Variants in MACROD2 observed in about 807,000 individuals in gnomAD.
The protein encoded by MACROD2 is ADP-ribose glycohydrolase MACROD2.
In MACROD2, 36 loss-of-function variants were observed where a neutral mutation model predicts 70.4. The ratio of observed to expected loss-of-function variants is 0.51; its 90% CI spans 0.39 to 0.68. MACROD2 has a LOEUF of 0.68. MACROD2 is among the 30% of genes least tolerant of loss of function. The probability of loss-of-function intolerance (pLI) is 0.00; values close to 1 mark genes in which losing one functional copy is unlikely to be tolerated. For synonymous variants in MACROD2, 172 were observed against 178.8 expected, an observed-to-expected ratio of 0.96 and a Z score of 0.30; for missense variants, 496 against 538.4, an observed-to-expected ratio of 0.92 and a Z score of 0.78.
chr20:14,282,449 A>G (rs1483191312), intron 3 of MACROD2, among the ~76,000 whole-genome samples: 1 of 152,058 alleles, frequency 6.6e-6, no homozygotes, highest in Non-Finnish European at 1.5e-5. Context: ...CTTGGTTATG[A>G]CCTCTCCATG....
intron 15 of MACROD2, among the ~76,000 whole-genome samples, chr20:16,011,205 C>G (rs933614089): frequency 6.6e-6 from 1 of 152,146 alleles, no homozygotes; most frequent in Admixed American, 6.6e-5. Flanking sequence ...AATTGTGAGA[C>G]CAAATGTTGA....
intron 6 of MACROD2, among the ~76,000 whole-genome samples, chr20:15,333,423 T>G (rs2078014672): frequency 6.6e-6 from 1 of 151,656 alleles, no homozygotes; most frequent in Admixed American, 6.6e-5. Flanking sequence ...GGTAGGTAGT[T>G]TAGATTTTTG....
chr20:16,019,828 C>T (rs1053740156), intron 15 of MACROD2, among the ~76,000 whole-genome samples: 17 of 152,080 alleles, frequency 1.1e-4, no homozygotes, highest in Admixed American at 3.3e-4. Flanking sequence ...GCCCAAGGCC[C>T]GGCAGAGGAG....
intron 10 of MACROD2, among the ~76,000 whole-genome samples, chr20:15,920,770 A>T (rs2065391965): frequency 6.6e-6 from 1 of 152,230 alleles, no homozygotes; most frequent in Non-Finnish European, 1.5e-5. Context: ...GGAGAATTGC[A>T]GAGACTAGAA....
chr20:15,250,675 G>GA (rs1352228877), intron 6 of MACROD2, among the ~76,000 whole-genome samples: 1 of 152,122 alleles, frequency 6.6e-6, no homozygotes, highest in African/African-American at 2.4e-5. Flanking sequence ...TGTTTAGGGG[G>GA]ATCTTCCTTC....
chr20:15,933,244 G>A (rs780701649), intron 10 of MACROD2, 32 bp from the exon 11 acceptor site: 3 of 1,604,806 alleles, frequency 1.9e-6, no homozygotes, highest in Non-Finnish European at 2.6e-6. Flanking sequence ...TTGACTTGAT[G>A]CATTTTTTTT....
chr20:14,996,475 C>T (rs1265884516), intron 5 of MACROD2, among the ~76,000 whole-genome samples: 1 of 152,210 alleles, frequency 6.6e-6, no homozygotes, highest in Non-Finnish European at 1.5e-5. Flanking sequence ...CATCTTCCTC[C>T]TCTACCCTTG....
intron 5 of MACROD2, among the ~76,000 whole-genome samples, chr20:15,169,654 C>T (rs558663307): frequency 1.3e-5 from 2 of 152,226 alleles, no homozygotes; most frequent in Non-Finnish European, 2.9e-5. Flanking sequence ...TACTTAATGA[C>T]CACTGATGTA....
intron 5 of MACROD2, among the ~76,000 whole-genome samples, chr20:14,962,856 T>A (rs757286510): frequency 9.2e-5 from 14 of 151,998 alleles, no homozygotes; most frequent in Non-Finnish European, 2.1e-4. Flanking sequence ...CACATTCCCG[T>A]AAAATTGCTG....
chr20:15,772,101 AATATATATAT>A (rs201468504), intron 8 of MACROD2, among the ~76,000 whole-genome samples: 24 of 91,424 alleles, frequency 2.6e-4, no homozygotes, highest in African/African-American at 1.1e-3. Context: ...AAAAAAAAAA[AATATATATAT>A]ATATATATAT....
intron 3 of MACROD2, among the ~76,000 whole-genome samples, chr20:14,397,597 C>T (rs2083594413): frequency 6.6e-6 from 1 of 152,056 alleles, no homozygotes; most frequent in Non-Finnish European, 1.5e-5. Context: ...AATCAGTTAT[C>T]TTTTTCCCTT....
chr20:15,143,883 C>T (rs1046158999), intron 5 of MACROD2, among the ~76,000 whole-genome samples: 9 of 147,390 alleles, frequency 6.1e-5, no homozygotes, highest in South Asian at 2.1e-4. Flanking sequence ...CCCTGGGCCA[C>T]GTAGAAAGAA....
intron 6 of MACROD2, among the ~76,000 whole-genome samples, chr20:15,427,026 C>T (rs1844978117): frequency 1.0e-5 from 1 of 98,750 alleles, no homozygotes; most frequent in South Asian, 2.7e-4. Flanking sequence ...GTCTGTCTGT[C>T]TCTCTCTCTC....
At chr20:15,142,993 G>A (rs2076203739) in intron 5 of MACROD2, among the ~76,000 whole-genome samples, 1 of 152,080 alleles carries the variant, frequency 6.6e-6, no homozygotes, top group East Asian at 1.9e-4. Context: ...TGTCTTTATA[G>A]CAGCATGATT....
intron 4 of MACROD2, among the ~76,000 whole-genome samples, chr20:14,524,618 A>C (rs1187256669): frequency 6.6e-6 from 1 of 152,172 alleles, no homozygotes; most frequent in African/African-American, 2.4e-5. Flanking sequence ...TTACGTATAC[A>C]TCACACCTGG....
At chr20:14,614,146 G>A (rs1028290088) in intron 4 of MACROD2, among the ~76,000 whole-genome samples, 4 of 152,126 alleles carry the variant, frequency 2.6e-5, no homozygotes, top group African/African-American at 9.7e-5. Context: ...GGGGTTTGAT[G>A]TAACTCCACA....
intron 9 of MACROD2, among the ~76,000 whole-genome samples, chr20:15,868,053 G>A (rs891991668): frequency 1.3e-5 from 2 of 152,204 alleles, no homozygotes; most frequent in African/African-American, 4.8e-5. Flanking sequence ...CCCTCCAGCA[G>A]ATAATTATTC....
intron 3 of MACROD2, among the ~76,000 whole-genome samples, chr20:14,201,755 C>G (rs2081481535): frequency 6.6e-6 from 1 of 151,476 alleles, no homozygotes; most frequent in Non-Finnish European, 1.5e-5. Flanking sequence ...CAGAGAATTG[C>G]TTGAGCCCAG....
At chr20:15,582,354 C>A (rs924231955) in intron 8 of MACROD2, among the ~76,000 whole-genome samples, 1 of 152,094 alleles carries the variant, frequency 6.6e-6, no homozygotes, top group Non-Finnish European at 1.5e-5. Flanking sequence ...TGGTCCATGA[C>A]TGTATTCAGC....
Sources: gnomAD v4.1 joint callset for allele counts (sites outside exome capture counted in the v4.1 genomes callset) on GRCh38, gnomAD v4.1.1 for gene constraint, MANE v1.5 for transcripts, NCBI Gene and HGNC (gene_info 2026-07-23, HGNC 2026-07-21) for gene names.